LRRC4C: variants seen among roughly 807,000 people sequenced by gnomAD.
LRRC4C encodes the protein leucine rich repeat containing 4C, also known as leucine-rich repeat-containing protein 4C.
In LRRC4C, 5 loss-of-function variants were observed where a neutral mutation model predicts 33.6. That is an observed-to-expected ratio of 0.15 (90% CI 0.08 to 0.31). The LOEUF is 0.31. Among genes scored for constraint, LRRC4C ranks in the 10% least tolerant of loss-of-function variants. The pLI, the probability that LRRC4C is intolerant of heterozygous loss-of-function variation, is 1.00. For missense variants in LRRC4C, 560 were observed against 796.7 expected (o/e 0.70, Z 3.58); for synonymous variants, 329 against 302.0 (o/e 1.09, Z -0.93).
chr11:41,095,418 C>T (rs1019015660), intron 1 of LRRC4C, among the ~76,000 whole-genome samples: 1 of 152,112 alleles, frequency 6.6e-6, no homozygotes, highest in African/African-American at 2.4e-5. Context: ...TAATACCTAC[C>T]TTTTGTGTCT....
chr11:40,784,314 T>C (rs911490476), intron 2 of LRRC4C, among the ~76,000 whole-genome samples: 3 of 152,140 alleles, frequency 2.0e-5, no homozygotes, highest in Non-Finnish European at 4.4e-5. Flanking sequence ...TTGAATTCTG[T>C]TATAAAATGA....
At chr11:40,694,543 T>C (rs1443275228) in intron 2 of LRRC4C, among the ~76,000 whole-genome samples, 2 of 152,196 alleles carry the variant, frequency 1.3e-5, no homozygotes, top group South Asian at 2.1e-4. Flanking sequence ...TATACACTCA[T>C]AATGTATTTC....
intron 3 of LRRC4C, among the ~76,000 whole-genome samples, chr11:40,520,522 G>T (rs1212072414): frequency 6.6e-6 from 1 of 152,158 alleles, no homozygotes; most frequent in Non-Finnish European, 1.5e-5. Context: ...GGGAACAACT[G>T]TTTGGTGGGG....
chr11:40,620,221 C>A (rs962838473), intron 3 of LRRC4C, among the ~76,000 whole-genome samples: 1 of 151,616 alleles, frequency 6.6e-6, no homozygotes, highest in Non-Finnish European at 1.5e-5. Context: ...CTCTTCTATG[C>A]TTTCCATCCC....
chr11:40,759,752 T>C (rs556122458), intron 2 of LRRC4C, among the ~76,000 whole-genome samples: 1 of 152,100 alleles, frequency 6.6e-6, no homozygotes, highest in South Asian at 2.1e-4. Context: ...CAAAATGATA[T>C]CATGTTGATA....
chr11:40,482,344 T>C (rs545324526), intron 3 of LRRC4C, among the ~76,000 whole-genome samples: 1 of 152,154 alleles, frequency 6.6e-6, no homozygotes, highest in African/African-American at 2.4e-5. Context: ...AGTTTAATCC[T>C]TTAAAATAAA....
intron 2 of LRRC4C, among the ~76,000 whole-genome samples, chr11:40,892,036 G>A (rs545217715): frequency 6.7e-4 from 101 of 151,248 alleles, no homozygotes; most frequent in African/African-American, 2.4e-3. Context: ...TCGGGAGGCT[G>A]AGGCAGGAGA....
intron 4 of LRRC4C, among the ~76,000 whole-genome samples, chr11:40,278,346 A>G (rs1943253705): frequency 6.6e-6 from 1 of 152,136 alleles, no homozygotes; most frequent in African/African-American, 2.4e-5. Flanking sequence ...CTTTGCAACA[A>G]CAGTTAGATT....
At chr11:40,490,523 A>AG (rs1954094327) in intron 3 of LRRC4C, among the ~76,000 whole-genome samples, 1 of 152,040 alleles carries the variant, frequency 6.6e-6, no homozygotes, top group South Asian at 2.1e-4. Context: ...GAGACTTTTA[A>AG]GGGAAAAAAA....
chr11:40,590,952 A>G (rs1178424032), intron 3 of LRRC4C, among the ~76,000 whole-genome samples: 1 of 152,012 alleles, frequency 6.6e-6, no homozygotes, highest in Non-Finnish European at 1.5e-5. Context: ...CCCTGCCCCC[A>G]GAGGTGGAGC....
Position 40,582,761 on chromosome 11 carries a change from C to T in LRRC4C, c.-270+65381G>A, listed in dbSNP as rs568919620. Among the ~76,000 whole-genome samples, 9 of 152,164 alleles carry T rather than the reference C, an allele frequency of 5.9e-5. No individual in the cohort carries two copies. The East Asian group carries it at 1.5e-3, about 26-fold the overall frequency. Reference sequence around the variant, plus strand: ...CGAACTCCTAACCTCAGGTGATCCACCCACCTCGGCCTCCCAAAGTGCTGG... The same window carrying T: ...CGAACTCCTAACCTCAGGTGATCCATCCACCTCGGCCTCCCAAAGTGCTGG... On this transcript the variant is annotated intron_variant, in intron 3 of 6. Transcript: ENST00000528697.
chr11:41,437,273 A>G (rs1196293368), intron 1 of LRRC4C, among the ~76,000 whole-genome samples: 1 of 152,206 alleles, frequency 6.6e-6, no homozygotes, highest in East Asian at 1.9e-4. Context: ...GTGTCAACGT[A>G]GTTAGTTGTA....
chr11:41,183,776 C>T (rs528382944), intron 1 of LRRC4C, among the ~76,000 whole-genome samples: 1 of 152,316 alleles, frequency 6.6e-6, no homozygotes, highest in East Asian at 1.9e-4. Context: ...CCTCACATTT[C>T]CCTTCCACAC....
chr11:41,101,128 G>A (rs1028868873), intron 1 of LRRC4C, among the ~76,000 whole-genome samples: 6 of 152,064 alleles, frequency 3.9e-5, no homozygotes, highest in African/African-American at 1.2e-4. Context: ...AAAAGCAATT[G>A]CAACAAAAGC....
rs563599676 is a variant in LRRC4C at position 41,157,346 on chromosome 11, C to G, written c.-495-223623G>C. On this transcript the variant is annotated intron_variant, in intron 1 of 6. Coordinates refer to ENST00000528697, the MANE Select transcript of LRRC4C (RefSeq NM_001258419.2). ...GAGGGATGTAGCATGCACAAATTTC[C>G]TAAGAGAAATAAGAAAGACCACATC... Among the ~76,000 whole-genome samples, 936 of 152,100 alleles carry G rather than the reference C, an allele frequency of 6.2e-3. 14 individuals are homozygous for G. The highest frequency in any genetic ancestry group is 0.021 in the African/African-American group (889 of 41,484).
intron 3 of LRRC4C, among the ~76,000 whole-genome samples, chr11:40,486,378 A>C (rs377627443): frequency 1.3e-5 from 2 of 152,046 alleles, no homozygotes; most frequent in South Asian, 4.1e-4. Flanking sequence ...AGACAAATTA[A>C]AAGATAACTG....
Position 40,177,199 on chromosome 11 carries a change from C to T in LRRC4C, c.-95-36346G>A, listed in dbSNP as rs141078389. On this transcript the variant is annotated intron_variant, in intron 5 of 6. Transcript: ENST00000528697. The stretch of plus-strand genomic sequence containing the variant: ...TGATCTCCTGACTTCGTAATCTGCC[C>T]ACCTCGGCCTCCCAAAGTGCTGGGA... Among the ~76,000 whole-genome samples, 66 of 151,946 alleles carry T rather than the reference C, an allele frequency of 4.3e-4. 1 individual carries two copies. The East Asian group carries it at 0.012, about 29-fold the overall frequency.
chr11:40,523,270 A>T lies in LRRC4C; in HGVS notation c.-270+124872T>A, dbSNP rs59502132. ...TCATTGTGGATTTGATTTGCATTTTATTAATGCCTAGTGGTGTTGAGCATT... is the reference window on the plus strand; with the variant it reads ...TCATTGTGGATTTGATTTGCATTTTTTTAATGCCTAGTGGTGTTGAGCATT... On this transcript the variant is annotated intron_variant, in intron 3 of 6. Coordinates refer to ENST00000528697, the MANE Select transcript of LRRC4C (RefSeq NM_001258419.2). Among the ~76,000 whole-genome samples, 4 of 152,066 alleles carry T rather than the reference A, an allele frequency of 2.6e-5. No homozygotes were observed. In the East Asian group the frequency reaches 5.8e-4, roughly 22 times the overall value.
chr11:40,169,718 T>C (rs1477568762), intron 5 of LRRC4C, among the ~76,000 whole-genome samples: 1 of 152,188 alleles, frequency 6.6e-6, no homozygotes, highest in Non-Finnish European at 1.5e-5. Context: ...TTCTAGATCT[T>C]ACTCCATAAC....
Sources: allele counts gnomAD v4.1 joint callset (sites outside exome capture counted in the v4.1 genomes callset), GRCh38; gene constraint gnomAD v4.1.1; transcripts MANE v1.5; gene names NCBI Gene and HGNC (gene_info 2026-07-23, HGNC 2026-07-21).